Variants in SLC8A1 observed in about 807,000 individuals in gnomAD.
SLC8A1 encodes the protein sodium/calcium exchanger 1.
Under a neutral mutation model 68.3 loss-of-function variants are expected in SLC8A1, and 18 were observed. That is an observed-to-expected ratio of 0.26 (90% CI 0.18 to 0.39). SLC8A1 has a LOEUF of 0.39. Ranked by LOEUF, SLC8A1 falls within the 10% of genes least tolerant of loss-of-function variation. The pLI, the probability that SLC8A1 is intolerant of heterozygous loss-of-function variation, is 1.00. For synonymous variants in SLC8A1, 475 were observed against 415.5 expected (o/e 1.14, Z -1.74); for missense variants, 985 against 1,156.7 (o/e 0.85, Z 2.15).
exon 8 of SLC8A1, chr2:40,107,451 G>A (rs903870444): frequency 6.6e-6 from 1 of 151,770 alleles, no homozygotes; most frequent in African/African-American, 2.4e-5. Context: ...TTCCCAAAAG[G>A]CAGAGGGCAA....
intron 4 of SLC8A1, among the ~76,000 whole-genome samples, chr2:40,171,890 A>G (rs1358760422): frequency 3.9e-5 from 6 of 152,262 alleles, no homozygotes; most frequent in Non-Finnish European, 8.8e-5. Flanking sequence ...ATAGGTAAAG[A>G]TCTGCAGATT....
chr2:40,478,084 T>C lies in SLC8A1; in HGVS notation c.-25+34265A>G, dbSNP rs979596008. On this transcript the variant is annotated intron_variant, in intron 1 of 7. Transcript: ENST00000402441. Reference sequence around the variant, plus strand: ...GTTTCTGAAGAGCTGTTTTACTTTCTTTTTTTCTTTTTCTTCCTGTTCTCT... The same window carrying C: ...GTTTCTGAAGAGCTGTTTTACTTTCCTTTTTTCTTTTTCTTCCTGTTCTCT... Among the ~76,000 whole-genome samples, 9 of 152,218 alleles carry C rather than the reference T, an allele frequency of 5.9e-5. 1 individual carries two copies. Among genetic ancestry groups the C allele is most frequent in the African/African-American group, 2.2e-4 (9 of 41,448 alleles).
chr2:40,454,365 G>A (rs189565398), upstream of SLC8A1, among the ~76,000 whole-genome samples: 20 of 151,806 alleles, frequency 1.3e-4, no homozygotes, highest in African/African-American at 4.6e-4. Flanking sequence ...ATGACGGGCC[G>A]CTTAGTGAAA....
At chr2:40,308,198 C>T (rs904471886) in intron 2 of SLC8A1, among the ~76,000 whole-genome samples, 1 of 152,018 alleles carries the variant, frequency 6.6e-6, no homozygotes, top group African/African-American at 2.4e-5. Flanking sequence ...GAGAAGGTGC[C>T]TCATGATTCG....
At chr2:40,215,643 C>CAAAAAAAAAAAAA (rs56191722) in intron 2 of SLC8A1, among the ~76,000 whole-genome samples, 12 of 69,924 alleles carry the variant, frequency 1.7e-4, no homozygotes, top group African/African-American at 6.9e-4. Flanking sequence ...GACTCCGTCT[C>CAAAAAAAAAAAAA]AAAAAAAAAA....
intron 1 of SLC8A1, among the ~76,000 whole-genome samples, chr2:40,472,962 T>C (rs1256185242): frequency 2.0e-5 from 3 of 149,206 alleles, no homozygotes; most frequent in South Asian, 4.2e-4. Flanking sequence ...TACAGCATAA[T>C]ACAGCACAGA....
chr2:40,238,143 C>G (rs1419115450), intron 2 of SLC8A1, among the ~76,000 whole-genome samples: 2 of 152,238 alleles, frequency 1.3e-5, no homozygotes, highest in South Asian at 2.1e-4. Context: ...CCAGTTCGAG[C>G]TTCCCGGCTG....
chr2:40,252,985 G>GTATATATGTATATACATATATATGTATC (rs2063113018), intron 2 of SLC8A1, among the ~76,000 whole-genome samples: 1 of 138,842 alleles, frequency 7.2e-6, no homozygotes, highest in African/African-American at 2.7e-5. Context: ...ATATGTATCT[G>GTATATATGTATATACATATATATGTATC]TATATATGTA....
chr2:40,352,860 C>G, intron 2 of SLC8A1, among the ~76,000 whole-genome samples: 1 of 152,160 alleles, frequency 6.6e-6, no homozygotes, highest in East Asian at 1.9e-4. Context: ...GTGGGCTACT[C>G]CCTGTTCTCC....
intron 2 of SLC8A1, among the ~76,000 whole-genome samples, chr2:40,253,068 CTA>C (rs1558967565): frequency 4.4e-5 from 4 of 91,478 alleles, no homozygotes; most frequent in African/African-American, 1.3e-4. Flanking sequence ...CATGTATATA[CTA>C]TATATGTGTA....
chr2:40,099,783 TG>T (rs1259891111), exon 8 of SLC8A1: 1 of 151,982 alleles, frequency 6.6e-6, no homozygotes, highest in East Asian at 1.9e-4. Flanking sequence ...AGTTATTCAG[TG>T]GGAAACACAA....
intron 1 of SLC8A1, among the ~76,000 whole-genome samples, chr2:40,438,002 G>A (rs1699760843): frequency 6.6e-6 from 1 of 151,100 alleles, no homozygotes; most frequent in Admixed American, 6.6e-5. Flanking sequence ...CATTGACACT[G>A]AGCACTGAAG....
At chr2:40,410,113 A>G (rs1254500303) in intron 2 of SLC8A1, among the ~76,000 whole-genome samples, 2 of 152,160 alleles carry the variant, frequency 1.3e-5, no homozygotes, top group East Asian at 3.8e-4. Flanking sequence ...ACTTTTTAAT[A>G]AATCATGGGG....
At chr2:40,277,200 C>G (rs1301051989) in intron 2 of SLC8A1, among the ~76,000 whole-genome samples, 1 of 151,910 alleles carries the variant, frequency 6.6e-6, no homozygotes, top group Non-Finnish European at 1.5e-5. Flanking sequence ...GTTTGTCACT[C>G]TGACAAGTTA....
chr2:40,286,700 T>C (rs916208316), intron 2 of SLC8A1, among the ~76,000 whole-genome samples: 3 of 152,184 alleles, frequency 2.0e-5, no homozygotes, highest in African/African-American at 4.8e-5. Context: ...GACAGCTATA[T>C]TCACACACAC....
At chr2:40,407,764 A>G (rs979495782) in intron 2 of SLC8A1, among the ~76,000 whole-genome samples, 1 of 152,182 alleles carries the variant, frequency 6.6e-6, no homozygotes, top group African/African-American at 2.4e-5. Context: ...AATATATTTT[A>G]AATACTTGAC....
intron 2 of SLC8A1, among the ~76,000 whole-genome samples, chr2:40,271,781 T>C (rs1054828932): frequency 2.0e-5 from 3 of 152,208 alleles, no homozygotes; most frequent in African/African-American, 7.2e-5. Flanking sequence ...TGGTCTACCC[T>C]TCTTTCCCCA....
chr2:40,240,134 T>C (rs1298474266), intron 2 of SLC8A1, among the ~76,000 whole-genome samples: 1 of 152,212 alleles, frequency 6.6e-6, no homozygotes, highest in Non-Finnish European at 1.5e-5. Flanking sequence ...CACACAGTTA[T>C]GGCATAATAT....
exon 8 of SLC8A1, chr2:40,107,580 T>G (rs111909697): frequency 3.2e-4 from 49 of 152,332 alleles, no homozygotes; most frequent in Admixed American, 1.0e-3. Context: ...TTATAGAATA[T>G]GTTTAATTAA....
Sources: gnomAD v4.1 joint callset for allele counts (sites outside exome capture counted in the v4.1 genomes callset) on GRCh38, gnomAD v4.1.1 for gene constraint, MANE v1.5 for transcripts, NCBI Gene and HGNC (gene_info 2026-07-23, HGNC 2026-07-21) for gene names.